Variants in IFTAP observed in about 807,000 individuals in gnomAD.
IFTAP encodes the protein intraflagellar transport associated protein.
IFTAP carries 19 observed loss-of-function variants against 19.4 expected under a neutral mutation model. The observed-to-expected ratio is 0.98, with a 90% CI of 0.68 to 1.44. The LOEUF (loss-of-function observed/expected upper bound fraction) is 1.44, where lower values mean the gene tolerates loss of function less well. IFTAP is among the 40% of genes most tolerant of loss of function. The probability of loss-of-function intolerance (pLI) is 0.00; values close to 1 mark genes in which losing one functional copy is unlikely to be tolerated. For synonymous variants in IFTAP, 85 were observed against 83.5 expected (o/e 1.02, Z -0.10); for missense variants, 240 against 253.6 (o/e 0.95, Z 0.36).
chr11:36,628,582 C>T lies in IFTAP; in HGVS notation c.137-4702C>T, dbSNP rs1446094680. 2.0e-5 allele frequency among the ~76,000 whole-genome samples: 3 copies of T among 151,280 alleles called. 1 individual carries two copies. Among genetic ancestry groups the T allele is most frequent in the African/African-American group, 4.9e-5 (2 of 40,586 alleles). On this transcript the variant is annotated intron_variant, in intron 2 of 5. Transcript: ENST00000334307. Reference sequence around the variant, plus strand: ...AGGACTGAGTCTTAACTGTCTTTGTCACCTTGCATATAGTTGATGACCAGA... The same window carrying T: ...AGGACTGAGTCTTAACTGTCTTTGTTACCTTGCATATAGTTGATGACCAGA...
intron 2 of IFTAP, 141 bp downstream of exon 2, chr11:36,610,380 C>CA: frequency 6.9e-6 from 5 of 726,770 alleles, no homozygotes; most frequent in South Asian, 2.0e-5. Flanking sequence ...CTAGGGCACT[C>CA]GTGACTGATG....
intron 5 of IFTAP, among the ~76,000 whole-genome samples, chr11:36,658,715 C>T (rs566641048): frequency 6.6e-6 from 1 of 152,218 alleles, no homozygotes; most frequent in Admixed American, 6.5e-5. Flanking sequence ...AGTCCTGACA[C>T]TACAAGTGGT....
rs1398483552 is a variant in IFTAP at position 36,648,058 on chromosome 11, C to T, written c.401C>T (p.Thr134Ile). Residue 134 changes from threonine to isoleucine, a missense_variant, in exon 5 of 6, where the codon ACC (threonine) becomes ATC (isoleucine). Coordinates refer to ENST00000334307, the MANE Select transcript of IFTAP (RefSeq NM_138787.4). ...GGAGAAGTGGAGCAGGATGTAAGCA[C>T]CAGCATTCCTTCCTGTATCCCTTTT... The part of the protein sequence containing the change: ...LPGEVEQDVS[T>I]SIPSCIPFVA... 1.3e-5 allele frequency: 21 copies of T among 1,613,206 alleles called. No individual in the cohort carries two copies. The highest frequency in any genetic ancestry group is 1.8e-5 in the Non-Finnish European group (21 of 1,179,532).
At chr11:36,608,129 A>C (rs1377608937) in intron 1 of IFTAP, among the ~76,000 whole-genome samples, 1 of 152,242 alleles carries the variant, frequency 6.6e-6, no homozygotes, top group Non-Finnish European at 1.5e-5. Context: ...AGCTGTAAAG[A>C]ATAACATATA....
chr11:36,622,303 A>G (rs1276385913), intron 2 of IFTAP, among the ~76,000 whole-genome samples: 1 of 152,076 alleles, frequency 6.6e-6, no homozygotes, highest in Non-Finnish European at 1.5e-5. Context: ...AAAAGAGGGA[A>G]AAATTACTCC....
At chr11:36,616,680 G>A (rs898771673) in intron 2 of IFTAP, among the ~76,000 whole-genome samples, 2 of 151,818 alleles carry the variant, frequency 1.3e-5, no homozygotes, top group Non-Finnish European at 2.9e-5. Context: ...AAGGAGCGAT[G>A]CCAGTGCTTT....
intron 3 of IFTAP, among the ~76,000 whole-genome samples, chr11:36,634,529 A>C (rs1053487439): frequency 6.6e-6 from 1 of 152,158 alleles, no homozygotes; most frequent in African/African-American, 2.4e-5. Context: ...GAGTTTTATC[A>C]TCTGAAGGGC....
intron 2 of IFTAP, among the ~76,000 whole-genome samples, chr11:36,626,041 C>G (rs571422437): frequency 6.6e-6 from 1 of 150,744 alleles, no homozygotes; most frequent in Non-Finnish European, 1.5e-5. Flanking sequence ...AGGGAAAGAT[C>G]GGGCATGGAT....
chr11:36,659,050 T>C lies in IFTAP; in HGVS notation c.530T>C (p.Leu177Pro). 1 of 1,602,940 alleles carries C rather than the reference T, an allele frequency of 6.2e-7. No individual in the cohort carries two copies. The highest frequency in any genetic ancestry group is 8.5e-7 in the Non-Finnish European group (1 of 1,175,176). ...ILGDEVQLFSLDEEFDYDNVM... is the reference protein window; with the variant it reads ...ILGDEVQLFSPDEEFDYDNVM... The stretch of plus-strand genomic sequence containing the variant: ...GGAGATGAAGTTCAACTTTTTTCAC[T>C]TGATGAAGAATTTGATTATGACAAT... Residue 177 changes from leucine (L) to proline (P), a missense_variant, in exon 6 of 6, where the codon CTT (leucine) becomes CCT (proline). By Grantham distance (98) the Leu-to-Pro change is moderately conservative. Coordinates refer to ENST00000334307, the MANE Select transcript of IFTAP (RefSeq NM_138787.4).
At chr11:36,628,595 G>T (rs1413812731) in intron 2 of IFTAP, among the ~76,000 whole-genome samples, 4 of 151,278 alleles carry the variant, frequency 2.6e-5, no homozygotes, top group Non-Finnish European at 5.9e-5. Context: ...CTTGCATATA[G>T]TTGATGACCA....
chr11:36,655,488 CTT>C (rs1250991338), intron 5 of IFTAP, among the ~76,000 whole-genome samples: 5 of 152,154 alleles, frequency 3.3e-5, no homozygotes, highest in African/African-American at 7.2e-5. Flanking sequence ...AGGTCTTCAT[CTT>C]TGTATCCCCA....
chr11:36,646,478 T>G (rs979953570), intron 4 of IFTAP, among the ~76,000 whole-genome samples: 4 of 152,152 alleles, frequency 2.6e-5, no homozygotes, highest in African/African-American at 9.7e-5. Flanking sequence ...CATTGAATTT[T>G]AAAATGTTGT....
chr11:36,600,920 A>T (rs1851486992), intron 1 of IFTAP, among the ~76,000 whole-genome samples: 1 of 152,212 alleles, frequency 6.6e-6, no homozygotes, highest in Admixed American at 6.5e-5. Context: ...TTATTTTTAC[A>T]CTCAAACTAC....
chr11:36,637,531 T>C (rs571431296), intron 4 of IFTAP, among the ~76,000 whole-genome samples: 1 of 152,226 alleles, frequency 6.6e-6, no homozygotes, highest in South Asian at 2.1e-4. Flanking sequence ...CACACTGTTT[T>C]GGGTTTTGGG....
intron 2 of IFTAP, among the ~76,000 whole-genome samples, chr11:36,613,920 T>C (rs1210926314): frequency 6.6e-6 from 1 of 151,288 alleles, no homozygotes; most frequent in Non-Finnish European, 1.5e-5. Flanking sequence ...GAGTTTTCTT[T>C]TTTTTTTTTA....
chr11:36,651,191 G>A lies in IFTAP; in HGVS notation c.498+3036G>A, dbSNP rs533864653. Among the ~76,000 whole-genome samples, 233 of 152,128 alleles carry A rather than the reference G, an allele frequency of 1.5e-3. 1 individual carries two copies. Among genetic ancestry groups the A allele is most frequent in the African/African-American group, 5.2e-3 (214 of 41,524 alleles). ...CCACCAACAGTGTAAAAGTGTTCCT[G>A]TTTCTCCACATCCTCTCCAGCATCT... On this transcript the variant is annotated intron_variant, in intron 5 of 5. Coordinates refer to ENST00000334307, the MANE Select transcript of IFTAP (RefSeq NM_138787.4).
intron 5 of IFTAP, 100 bp from the exon 6 acceptor site, chr11:36,658,919 A>G: frequency 1.1e-6 from 1 of 886,394 alleles, no homozygotes; most frequent in Non-Finnish European, 1.6e-6. Context: ...TGAAGTCTGA[A>G]AAAAGGTTTA....
At chr11:36,623,256 T>C (rs1256270541) in intron 2 of IFTAP, among the ~76,000 whole-genome samples, 1 of 151,702 alleles carries the variant, frequency 6.6e-6, no homozygotes, top group Admixed American at 6.6e-5. Context: ...CTGGGAGGAG[T>C]TTAGGGAGAT....
At chr11:36,655,983 A>G (rs1853967948) in intron 5 of IFTAP, among the ~76,000 whole-genome samples, 1 of 152,160 alleles carries the variant, frequency 6.6e-6, no homozygotes, top group African/African-American at 2.4e-5. Context: ...AAAAAACTTA[A>G]AGGAAAATAA....
Sources: allele counts gnomAD v4.1 joint callset (sites outside exome capture counted in the v4.1 genomes callset), GRCh38; gene constraint gnomAD v4.1.1; transcripts MANE v1.5; gene names NCBI Gene and HGNC (gene_info 2026-07-23, HGNC 2026-07-21).